HIF3A: variants seen among roughly 807,000 people sequenced by gnomAD.
HIF3A encodes hypoxia-inducible factor 3-alpha.
Under a neutral mutation model 67.2 loss-of-function variants are expected in HIF3A, and 41 were observed. The observed-to-expected ratio is 0.61, with a 90% CI of 0.48 to 0.79. The LOEUF (loss-of-function observed/expected upper bound fraction) is 0.79. Ranked by LOEUF, HIF3A falls within the 30% of genes least tolerant of loss-of-function variation. The probability of loss-of-function intolerance (pLI) is 0.00; values close to 1 mark genes in which losing one functional copy is unlikely to be tolerated. For synonymous variants in HIF3A, 356 were observed against 374.8 expected, an observed-to-expected ratio of 0.95 and a Z score of 0.58; for missense variants, 855 against 898.0, an observed-to-expected ratio of 0.95 and a Z score of 0.61.
intron 9 of HIF3A, among the ~76,000 whole-genome samples, chr19:46,321,035 C>T (rs1970320770): frequency 6.6e-6 from 1 of 152,170 alleles, no homozygotes; most frequent in Non-Finnish European, 1.5e-5. Context: ...CTCACCTTCT[C>T]CAAGCTGTTG....
chr19:46,325,697 T>G lies in HIF3A; in HGVS notation c.1440+58T>G. 9.0e-6 allele frequency: 11 copies of G among 1,216,542 alleles called. 1 individual carries two copies. In the South Asian group the frequency reaches 1.3e-4, roughly 15 times the overall value. 75.4% of individuals were successfully genotyped at this position (1,216,542 alleles called of 1,614,324 possible). A position where few individuals can be genotyped will look rare whatever the true frequency, so the allele number is the denominator to read the frequency against. Reference sequence around the variant, plus strand: ...GCCCTGTGTTCTGGGGATTCACATATGTGGCTTTAGAGAAGGGTAGTGGGA... The same window carrying G: ...GCCCTGTGTTCTGGGGATTCACATAGGTGGCTTTAGAGAAGGGTAGTGGGA... On this transcript the variant is annotated intron_variant, in intron 11 of 14. Transcript: ENST00000377670.
chr19:46,335,804 A>G (rs1207466904), intron 14 of HIF3A, among the ~76,000 whole-genome samples: 1 of 151,680 alleles, frequency 6.6e-6, no homozygotes, highest in Admixed American at 6.6e-5. Flanking sequence ...TTGGGAGGCT[A>G]TGGAGGGGAG....
At chr19:46,338,532 A>G in intron 14 of HIF3A, 1 of 1,137,194 alleles carries the variant, frequency 8.8e-7, no homozygotes, top group Non-Finnish European at 1.1e-6. Flanking sequence ...ATAAACTCTC[A>G]TAAATGAAGT....
At chr19:46,307,393 G>A (rs981527011) in intron 3 of HIF3A, among the ~76,000 whole-genome samples, 2 of 152,100 alleles carry the variant, frequency 1.3e-5, no homozygotes, top group African/African-American at 4.8e-5. Context: ...CTTGAGCTCA[G>A]GAGTTTGAGA....
chr19:46,338,669 C>A, intron 14 of HIF3A: 1 of 342,928 alleles, frequency 2.9e-6, no homozygotes, highest in Non-Finnish European at 4.2e-6. Context: ...AGGAGTAAAT[C>A]AAGAGGGAGG....
intron 12 of HIF3A, among the ~76,000 whole-genome samples, 164 bp from the exon 13 acceptor site, chr19:46,330,992 A>G (rs1971171116): frequency 6.6e-6 from 1 of 150,506 alleles, no homozygotes; most frequent in Non-Finnish European, 1.5e-5. Context: ...CATTGGATGA[A>G]TGAGAAGATG....
At position 46,341,877 on chromosome 19, in the gene HIF3A, C is replaced by T. The variant is rs1241577442; in HGVS notation, c.*2255C>T. ...GGGGCTGGTCTTGAACTCTTGACCT[C>T]AGATGATCCACCCGCCTCAGCCTCC... On this transcript the variant is annotated 3_prime_UTR_variant, in exon 15 of 15. Coordinates refer to ENST00000377670, the MANE Select transcript of HIF3A (RefSeq NM_152795.4). 6.6e-6 allele frequency: 1 copy of T among 152,076 alleles called. No homozygotes were observed. Among genetic ancestry groups the T allele is most frequent in the Admixed American group, 6.5e-5 (1 of 15,268 alleles). 9.4% of individuals were successfully genotyped at this position (152,076 alleles called of 1,614,324 possible).
rs1163296118 is a variant in HIF3A, at chr19:46,297,567, C to T, written c.26+465C>T. ...TGGGATACCCCTAAATGGAGCCTTC[C>T]CACATATAGGGAGTCCCTTGGAATG... is the stretch of plus-strand genomic sequence containing the variant. On this transcript the variant is annotated intron_variant, in intron 1 of 14. Transcript: ENST00000377670. The surrounding 1 kb of genome is among the most constrained non-coding windows in gnomAD (Gnocchi z 4.5). 6.6e-6 allele frequency among the ~76,000 whole-genome samples: 1 copy of T among 151,986 alleles called. No individual in the cohort carries two copies. Among genetic ancestry groups the T allele is most frequent in the Non-Finnish European group, 1.5e-5 (1 of 67,934 alleles).
rs73940659 is a variant in HIF3A, at chr19:46,308,909, C to T, written c.561+134C>T. The T allele has an allele frequency of 3.2e-3, 2,235 of 688,176 alleles. 44 individuals are homozygous for T. The African/African-American group carries it at 0.035, about 11-fold the overall frequency. 42.6% of individuals were successfully genotyped at this position (688,176 alleles called of 1,614,324 possible). On this transcript the variant is annotated intron_variant, in intron 5 of 14. Transcript: ENST00000377670. ...CGGGGCTCACTCAGGTCAGGTCTAGCGGGTCTCAGGGCATCGAGGAGCATG... is the reference window on the plus strand; with the variant it reads ...CGGGGCTCACTCAGGTCAGGTCTAGTGGGTCTCAGGGCATCGAGGAGCATG...
chr19:46,342,861 CCT>C lies in HIF3A; in HGVS notation c.*3243_*3244del, dbSNP rs1366964020. The C allele has an allele frequency of 1.3e-5, 2 of 152,386 alleles. No homozygotes were observed. Among genetic ancestry groups the C allele is most frequent in the Non-Finnish European group, 2.9e-5 (2 of 68,230 alleles). The allele number at this position is 152,386 out of a possible 1,614,324, so 9.4% of individuals were successfully genotyped here. On this transcript the variant is annotated 3_prime_UTR_variant, in exon 15 of 15. Transcript: ENST00000377670. ...GGCTGTGCTGCTCCTGGACTTCATG[CCT>C]CTCCATTCTCATTGCCTACAATCTC...
At position 46,297,966 on chromosome 19, in the gene HIF3A, G is replaced by A. The variant is rs1331790300; in HGVS notation, c.26+864G>A. On this transcript the variant is annotated intron_variant, in intron 1 of 14. Transcript: ENST00000377670. This position sits in a 1 kb window ranked among gnomAD's most constrained non-coding sequence, Gnocchi z 4.5. ...TACTCAGATGGGGTCATCCCGGGCAGAGGGTGGGTTTCTGGGTTCACTTGC... is the reference window on the plus strand; with the variant it reads ...TACTCAGATGGGGTCATCCCGGGCAAAGGGTGGGTTTCTGGGTTCACTTGC... Among the ~76,000 whole-genome samples, 1 of 152,136 alleles carries A rather than the reference G, an allele frequency of 6.6e-6. No homozygotes were observed. Among genetic ancestry groups the A allele is most frequent in the East Asian group, 1.9e-4 (1 of 5,178 alleles).
At chr19:46,324,202 T>A (rs1259244548) in intron 10 of HIF3A, among the ~76,000 whole-genome samples, 1 of 152,238 alleles carries the variant, frequency 6.6e-6, no homozygotes, top group Non-Finnish European at 1.5e-5. Context: ...TTTCTTCACC[T>A]ATAAAAGAAA....
intron 1 of HIF3A, among the ~76,000 whole-genome samples, chr19:46,302,724 A>C (rs1052825266): frequency 6.6e-6 from 1 of 152,144 alleles, no homozygotes; most frequent in Non-Finnish European, 1.5e-5. Context: ...AAATACAAAA[A>C]TTAGCTGGGC....
chr19:46,337,611 A>G (rs1305606915), intron 14 of HIF3A, among the ~76,000 whole-genome samples: 1 of 152,118 alleles, frequency 6.6e-6, no homozygotes, highest in African/African-American at 2.4e-5. Flanking sequence ...GAGGAGAGAA[A>G]GGTGAGGGCT....
intron 3 of HIF3A, among the ~76,000 whole-genome samples, 195 bp from the exon 4 acceptor site, chr19:46,308,026 C>T (rs1601226235): frequency 6.6e-6 from 1 of 150,690 alleles, no homozygotes; most frequent in South Asian, 2.1e-4. Context: ...AGATGAGGGC[C>T]TGGCACTTGG....
At chr19:46,307,937 AATAG>A (rs1253222379) in intron 3 of HIF3A, among the ~76,000 whole-genome samples, 3 of 151,960 alleles carry the variant, frequency 2.0e-5, no homozygotes, top group Non-Finnish European at 2.9e-5. Flanking sequence ...TGTCTCAAAA[AATAG>A]ATAGATAGAC....
At chr19:46,310,250 G>T (rs1219306290) in intron 6 of HIF3A, among the ~76,000 whole-genome samples, 1 of 151,412 alleles carries the variant, frequency 6.6e-6, no homozygotes, top group Non-Finnish European at 1.5e-5. Context: ...GAAAAAATTT[G>T]TCAGGCGGGT....
In HIF3A at chr19:46,312,233, G is replaced by A. The variant is rs1568514675; in HGVS notation, c.843G>A (p.Leu281=). The A allele has an allele frequency of 2.5e-6, 4 of 1,613,846 alleles. No individual in the cohort carries two copies. Among genetic ancestry groups the A allele is most frequent in the Non-Finnish European group, 3.4e-6 (4 of 1,179,948 alleles). ...CCGCCTACGAGTACATCCACGCGCT[G>A]GACTCCGATGCGGTCAGCAAGAGCA... ...GCSAYEYIHA[L]DSDAVSKSIH... Residue 281 remains leucine, a synonymous_variant, in exon 7 of 15, where the codon CTG becomes CTA. Transcript: ENST00000377670.
At position 46,341,248 on chromosome 19, in the gene HIF3A, G is replaced by T. The variant is rs1046849000; in HGVS notation, c.*1626G>T. 2 of 147,384 alleles carry T rather than the reference G, an allele frequency of 1.4e-5. No homozygotes were observed. The highest frequency in any genetic ancestry group is 3.0e-5 in the Non-Finnish European group (2 of 67,396). 9.1% of individuals were successfully genotyped at this position (147,384 alleles called of 1,614,324 possible). ...AGAGTCCCACTCTGTCACCCAGGCT[G>T]GAGTACAGTGGCTCAATCTCGGCTC... On this transcript the variant is annotated 3_prime_UTR_variant, in exon 15 of 15. Coordinates refer to ENST00000377670, the MANE Select transcript of HIF3A (RefSeq NM_152795.4).
Sources: allele counts gnomAD v4.1 joint callset (sites outside exome capture counted in the v4.1 genomes callset), GRCh38; gene constraint gnomAD v4.1.1; non-coding constraint Gnocchi (gnomAD v3.1); transcripts MANE v1.5; gene names NCBI Gene and HGNC (gene_info 2026-07-23, HGNC 2026-07-21).